MYH15: variants seen among roughly 807,000 people sequenced by gnomAD.
The protein encoded by MYH15 is myosin heavy chain 15.
MYH15 carries 227 observed loss-of-function variants against 240.5 expected under a neutral mutation model. The observed-to-expected ratio is 0.94, with a 90% CI of 0.85 to 1.05. MYH15 has a LOEUF of 1.05. Ranked by LOEUF, MYH15 falls within the 50% of genes least tolerant of loss-of-function variation. The pLI, the probability that MYH15 is intolerant of heterozygous loss-of-function variation, is 0.00. For synonymous variants in MYH15, 785 were observed against 796.7 expected, an observed-to-expected ratio of 0.99 and a Z score of 0.25; for missense variants, 2,217 against 2,247.5, an observed-to-expected ratio of 0.99 and a Z score of 0.27.
chr3:108,445,816 C>G (rs1395964876), intron 21 of MYH15, among the ~76,000 whole-genome samples: 7 of 149,028 alleles, frequency 4.7e-5, no homozygotes, highest in Non-Finnish European at 1.0e-4. Context: ...AAACAATGAA[C>G]CACTATGACA....
chr3:108,531,740 GCACTC>G (rs1257111064), upstream of MYH15, among the ~76,000 whole-genome samples: 1 of 151,824 alleles, frequency 6.6e-6, no homozygotes, highest in Non-Finnish European at 1.5e-5. Context: ...TCGCACCACT[GCACTC>G]CAGCCTGGGC....
Position 108,444,760 on chromosome 3 carries a change from C to T in MYH15, c.2535G>A (p.Lys845=). The T allele has an allele frequency of 6.2e-7, 1 of 1,614,128 alleles. No homozygotes were observed. Among genetic ancestry groups the T allele is most frequent in the Middle Eastern group, 1.6e-4 (1 of 6,062 alleles). The part of the protein sequence containing the change: ...SEVGEEVAGL[K]EECAQLQKAL... ...CTTTCTGTAATTGTGCACACTCTTC[C>T]TTCAGTCCAGCTACTTCTTCTCCTA... Residue 845 remains lysine, a synonymous_variant, in exon 22 of 41, where the codon AAG becomes AAA. Coordinates refer to ENST00000693548, the MANE Select transcript of MYH15 (RefSeq NM_014981.3).
chr3:108,483,902 G>A (rs886109173), intron 11 of MYH15, among the ~76,000 whole-genome samples: 3 of 152,096 alleles, frequency 2.0e-5, no homozygotes, highest in African/African-American at 7.2e-5. Context: ...GTAAAACAGT[G>A]GTTACCAGGA....
intron 30 of MYH15, among the ~76,000 whole-genome samples, chr3:108,411,846 T>A (rs528525173): frequency 1.3e-5 from 2 of 152,286 alleles, no homozygotes; most frequent in South Asian, 4.2e-4. Context: ...GGTAATAAAG[T>A]CCCCTTTTGG....
At chr3:108,537,076 A>T in the MYH15 span, among the ~76,000 whole-genome samples, 1 of 152,342 alleles carries the variant, frequency 6.6e-6, no homozygotes, top group African/African-American at 2.4e-5. Context: ...TTGAGTCAGG[A>T]GAGAGGCAGG....
chr3:108,505,854 T>A (rs778278790), intron 1 of MYH15, 25 bp from the exon 2 acceptor site: 210 of 1,075,362 alleles, frequency 2.0e-4, no homozygotes, highest in African/African-American at 1.8e-3. Flanking sequence ...AAAAAAAAAA[T>A]GGATTATAGC....
chr3:108,507,209 C>A (rs1008758727), intron 1 of MYH15, among the ~76,000 whole-genome samples: 1 of 109,962 alleles, frequency 9.1e-6, no homozygotes, highest in Non-Finnish European at 1.9e-5. Flanking sequence ...ATCATACTTT[C>A]CTTTTAAAGG....
In MYH15 at chr3:108,464,688, C is replaced by A; in HGVS notation, c.1681G>T (p.Asp561Tyr). ...AAATGAGCTTCAAATTTCTTCTTAT[C>A]AGGCTTGGGCTTCTGGAGATGAACC... is the stretch of plus-strand genomic sequence containing the variant. Reference protein sequence around the residue: ...KSVHLQKPKPDKKKFEAHFEL... With the variant: ...KSVHLQKPKPYKKKFEAHFEL... The change falls in exon 15 of 41, where the codon GAT becomes TAT. Residue 561 changes from aspartate to tyrosine, a missense_variant. Coordinates refer to ENST00000693548, the MANE Select transcript of MYH15 (RefSeq NM_014981.3). 6.2e-7 allele frequency: 1 copy of A among 1,613,638 alleles called. No homozygotes were observed. The highest frequency in any genetic ancestry group is 8.5e-7 in the Non-Finnish European group (1 of 1,179,770).
At chr3:108,391,210 C>T (rs2082420807) in intron 37 of MYH15, among the ~76,000 whole-genome samples, 1 of 152,162 alleles carries the variant, frequency 6.6e-6, no homozygotes, top group Non-Finnish European at 1.5e-5. Context: ...TGTCTGTAGT[C>T]ATTAAAATTG....
At position 108,463,213 on chromosome 3, in the gene MYH15, T is replaced by C; in HGVS notation, c.1762A>G (p.Lys588Glu). 1 of 1,612,936 alleles carries C rather than the reference T, an allele frequency of 6.2e-7. No individual in the cohort carries two copies. Among genetic ancestry groups the C allele is most frequent in the Non-Finnish European group, 8.5e-7 (1 of 1,179,604 alleles). Residue 588 changes from lysine (K) to glutamate (E), a missense_variant, in exon 16 of 41, where the codon AAG becomes GAG. Coordinates refer to ENST00000693548, the MANE Select transcript of MYH15 (RefSeq NM_014981.3). The stretch of plus-strand genomic sequence containing the variant: ...GTTTCATTAAGGAGGTCTTTGTTCT[T>C]TTCCAGCCAACCACTGATATTATAA... ...VPYNISGWLE[K>E]NKDLLNETVV...
chr3:108,430,848 G>A lies in MYH15; in HGVS notation c.3296C>T (p.Thr1099Met), dbSNP rs139487163. The A allele has an allele frequency of 2.7e-5, 44 of 1,611,266 alleles. No individual in the cohort carries two copies. The East Asian group carries it at 3.8e-4, about 14-fold the overall frequency. ...ATTGATTACCTGAAGCTCTTTAACC[G>A]TCTTCTGAAGCTGAGCTACCAGGCC... Reference protein sequence around the residue: ...EKGLVAQLQKTVKELQTQIKD... With the variant: ...EKGLVAQLQKMVKELQTQIKD... Residue 1099 changes from threonine (T) to methionine (M), a missense_variant, in exon 26 of 41, where the codon ACG (threonine) becomes ATG (methionine). Transcript: ENST00000693548.
Position 108,459,516 on chromosome 3 carries a change from C to T in MYH15, c.1933-67G>A. 4.7e-6 allele frequency: 4 copies of T among 846,734 alleles called. No homozygotes were observed. The South Asian group carries it at 6.5e-5, about 14-fold the overall frequency. The allele number at this position is 846,734 out of a possible 1,614,324, so 52.5% of individuals were successfully genotyped here. A position where few individuals can be genotyped will look rare whatever the true frequency, so the allele number is the denominator to read the frequency against. On this transcript the variant is annotated intron_variant, in intron 17 of 40. Transcript: ENST00000693548. ...TCACTAAAAACACCAATCCACCTCA[C>T]AAATGTCTCCAAATCTATCAACTTA...
At chr3:108,521,974 C>A (rs1201831141) in intron 1 of MYH15, among the ~76,000 whole-genome samples, 2 of 152,118 alleles carry the variant, frequency 1.3e-5, no homozygotes, top group Admixed American at 6.6e-5. Context: ...GTTTAACTTG[C>A]ATTTCAAGGA....
rs148728829 is a variant in MYH15, at chr3:108,411,976, C to T, written c.4146-1044G>A. On this transcript the variant is annotated intron_variant, in intron 30 of 40. Coordinates refer to ENST00000693548, the MANE Select transcript of MYH15 (RefSeq NM_014981.3). ...ACTTTTCTGCTTCATGTTTCTTAAA[C>T]GTTAAGAGGATATTCTGATGCTTTA... 2.4e-3 allele frequency among the ~76,000 whole-genome samples: 360 copies of T among 152,286 alleles called. 2 individuals carry two copies. Among genetic ancestry groups the T allele is most frequent in the African/African-American group, 5.9e-3 (247 of 41,556 alleles).
At chr3:108,460,158 A>C in intron 17 of MYH15, 142 bp downstream of exon 17, 1 of 665,510 alleles carries the variant, frequency 1.5e-6, no homozygotes, top group Non-Finnish European at 2.5e-6. Flanking sequence ...AGCCCTTGAT[A>C]ATAACAGCAT....
At chr3:108,456,987 T>G in intron 18 of MYH15, 104 bp from the exon 19 acceptor site, 1 of 809,508 alleles carries the variant, frequency 1.2e-6, no homozygotes, top group Non-Finnish European at 2.1e-6. Flanking sequence ...AAGTCTGAAT[T>G]GGATAGTTTC....
chr3:108,464,530 C>T (rs998971586), intron 15 of MYH15, 108 bp downstream of exon 15: 4 of 1,139,772 alleles, frequency 3.5e-6, no homozygotes, highest in Non-Finnish European at 5.0e-6. Flanking sequence ...TTTTGTTCTT[C>T]TCTTCATTTA....
At chr3:108,481,821 T>C (rs781708242) in intron 11 of MYH15, among the ~76,000 whole-genome samples, 1 of 152,100 alleles carries the variant, frequency 6.6e-6, no homozygotes, top group Non-Finnish European at 1.5e-5. Context: ...AAAACCAAAA[T>C]TACATTTGCA....
At chr3:108,440,878 C>T in intron 23 of MYH15, 140 bp downstream of exon 23, 1 of 983,980 alleles carries the variant, frequency 1.0e-6, no homozygotes, top group Non-Finnish European at 1.5e-6. Context: ...ATATTTTGTG[C>T]CAGTTCTGAC....
Sources: allele counts gnomAD v4.1 joint callset (sites outside exome capture counted in the v4.1 genomes callset), GRCh38; gene constraint gnomAD v4.1.1; transcripts MANE v1.5; gene names NCBI Gene and HGNC (gene_info 2026-07-23, HGNC 2026-07-21).